Variants in STPG1 observed in about 807,000 individuals in gnomAD.
STPG1 encodes the protein O(6)-methylguanine-induced apoptosis 2.
A neutral mutation model predicts 40.1 loss-of-function variants in STPG1; 33 were observed. The observed-to-expected ratio is 0.82, with a 90% CI of 0.62 to 1.10. The LOEUF (loss-of-function observed/expected upper bound fraction) is 1.10, where lower values mean the gene tolerates loss of function less well. STPG1 is among the 50% of genes least tolerant of loss of function. STPG1 has a pLI of 0.00. For synonymous variants in STPG1, 150 were observed against 155.0 expected (o/e 0.97, Z 0.24); for missense variants, 396 against 415.1 (o/e 0.95, Z 0.40).
chr1:24,390,799 A>ATT (rs1403530927), intron 3 of STPG1, among the ~76,000 whole-genome samples: 2 of 145,666 alleles, frequency 1.4e-5, no homozygotes, highest in African/African-American at 2.5e-5. Flanking sequence ...TACAAAGGTA[A>ATT]TTTTTTTTTT....
At chr1:24,384,853 G>C (rs79967359) in intron 3 of STPG1, among the ~76,000 whole-genome samples, 4,572 of 152,266 alleles carry the variant, frequency 0.03, 128 homozygotes, top group Non-Finnish European at 0.04. Flanking sequence ...AGACACTAAG[G>C]CACGTGGAGA....
At chr1:24,404,744 G>C (rs1332797981) in intron 1 of STPG1, among the ~76,000 whole-genome samples, 1 of 152,126 alleles carries the variant, frequency 6.6e-6, no homozygotes, top group Non-Finnish European at 1.5e-5. Context: ...GTTCTGTAGT[G>C]ATGTCCCTAC....
intron 7 of STPG1, among the ~76,000 whole-genome samples, chr1:24,367,675 C>G (rs184920698): frequency 2.0e-5 from 3 of 152,118 alleles, no homozygotes; most frequent in Non-Finnish European, 4.4e-5. Context: ...CCCTCCACCA[C>G]GCCCAGCTTT....
chr1:24,391,046 T>G (rs1642750618), intron 3 of STPG1, among the ~76,000 whole-genome samples: 1 of 152,112 alleles, frequency 6.6e-6, no homozygotes, highest in Non-Finnish European at 1.5e-5. Flanking sequence ...CTGAAACTCC[T>G]GGCTCAAGCA....
rs1642199193 is a variant in STPG1 at position 24,379,786 on chromosome 1, G to A, written c.329C>T (p.Ala110Val). The A allele has an allele frequency of 3.1e-6, 5 of 1,614,126 alleles. No homozygotes were observed. The highest frequency in any genetic ancestry group is 4.2e-6 in the Non-Finnish European group (5 of 1,179,968). The change falls in exon 5 of 9, where the codon GCA becomes GTA. Residue 110 changes from alanine (A) to valine (V), a missense_variant. By Grantham distance (64) the Ala-to-Val change is moderately conservative. Transcript: ENST00000337248. ...RLDTIISKYPAANAYTIPSDF... is the reference protein window; with the variant it reads ...RLDTIISKYPVANAYTIPSDF... ...CGATGGGATAGTGTATGCATTCGCTGCAGGGTATTTAGAAATGATGGTGTC... is the reference window on the plus strand; with the variant it reads ...CGATGGGATAGTGTATGCATTCGCTACAGGGTATTTAGAAATGATGGTGTC...
chr1:24,374,881 C>A (rs937858645), intron 5 of STPG1, among the ~76,000 whole-genome samples: 5 of 152,108 alleles, frequency 3.3e-5, no homozygotes, highest in African/African-American at 1.2e-4. Flanking sequence ...CCACCTCGGC[C>A]TCCCAAAGTG....
chr1:24,373,494 G>A (rs1641849488), intron 6 of STPG1, among the ~76,000 whole-genome samples: 1 of 152,188 alleles, frequency 6.6e-6, no homozygotes, highest in African/African-American at 2.4e-5. Context: ...TGCTTTGGAG[G>A]CCCATTTCCA....
At chr1:24,367,773 C>T (rs1316218623) in intron 7 of STPG1, among the ~76,000 whole-genome samples, 1 of 152,190 alleles carries the variant, frequency 6.6e-6, no homozygotes, top group Non-Finnish European at 1.5e-5. Flanking sequence ...CTTGGGCTCC[C>T]AAAATGCTGG....
In STPG1 at chr1:24,395,534, G is replaced by A. The variant is rs1010971040; in HGVS notation, c.71-3855C>T. On this transcript the variant is annotated intron_variant, in intron 2 of 8. Coordinates refer to ENST00000337248, the MANE Select transcript of STPG1 (RefSeq NM_001199013.2). ...TGCAAGCTCTGCCTCCCGGGTTCAC[G>A]CCATTCTCCTGCCTCAGCCTCCCGA... 1.0e-4 allele frequency among the ~76,000 whole-genome samples: 15 copies of A among 148,488 alleles called. No individual in the cohort carries two copies. In the South Asian group the frequency reaches 2.6e-3, roughly 25 times the overall value.
At chr1:24,381,655 G>A (rs1046028472) in intron 4 of STPG1, among the ~76,000 whole-genome samples, 1 of 152,190 alleles carries the variant, frequency 6.6e-6, no homozygotes, top group Non-Finnish European at 1.5e-5. Flanking sequence ...TCAAAAGGTT[G>A]GGTGTAGTTG....
At chr1:24,377,375 G>A (rs753484283) in intron 5 of STPG1, among the ~76,000 whole-genome samples, 10 of 152,124 alleles carry the variant, frequency 6.6e-5, no homozygotes, top group Non-Finnish European at 1.2e-4. Flanking sequence ...TGAATTGGCC[G>A]GTGTCTGTCT....
intron 5 of STPG1, among the ~76,000 whole-genome samples, chr1:24,375,871 A>C (rs987517172): frequency 2.6e-5 from 4 of 152,230 alleles, no homozygotes; most frequent in African/African-American, 9.6e-5. Flanking sequence ...GGGCCAGGAA[A>C]ATATTCAGCA....
chr1:24,396,566 T>C (rs1426016924), intron 2 of STPG1, among the ~76,000 whole-genome samples: 1 of 152,164 alleles, frequency 6.6e-6, no homozygotes. Flanking sequence ...CCACAGACAA[T>C]ACATAAACAA....
intron 4 of STPG1, among the ~76,000 whole-genome samples, chr1:24,382,648 T>C (rs910512273): frequency 2.0e-5 from 3 of 152,220 alleles, no homozygotes; most frequent in African/African-American, 7.2e-5. Context: ...ACTGAGGCCA[T>C]GTACAAACTC....
chr1:24,384,925 G>A (rs937322564), intron 3 of STPG1, among the ~76,000 whole-genome samples: 3 of 152,188 alleles, frequency 2.0e-5, no homozygotes, highest in East Asian at 1.9e-4. Context: ...CCAAGCGCAC[G>A]GTGTGTGCTG....
At chr1:24,360,807 C>G in intron 8 of STPG1, 44 bp downstream of exon 8, 1 of 1,523,964 alleles carries the variant, frequency 6.6e-7, no homozygotes, top group South Asian at 1.3e-5. Context: ...ACAAACAGTT[C>G]CAGAAGATTT....
At chr1:24,394,053 C>A (rs1252998013) in intron 2 of STPG1, among the ~76,000 whole-genome samples, 5 of 152,188 alleles carry the variant, frequency 3.3e-5, no homozygotes, top group Non-Finnish European at 5.9e-5. Context: ...GCAACGGGGT[C>A]CCCTGAGTAA....
intron 7 of STPG1, 110 bp from the exon 8 acceptor site, chr1:24,361,151 T>A: frequency 9.5e-7 from 1 of 1,047,198 alleles, no homozygotes; most frequent in Non-Finnish European, 1.3e-6. Context: ...GGAAGAGGAC[T>A]GGTCACGGCA....
In STPG1 at chr1:24,401,391, T is replaced by G. The variant is rs769703597; in HGVS notation, c.-3A>C. ...TTTTTCTGTGCAGAGTTGTCCATGT[T>G]AGCAAAATTCTGTGACGTGTTCCAT... On this transcript the variant is annotated 5_prime_UTR_variant, in exon 2 of 9. An upstream open reading frame in the 5' UTR loses its in-frame stop. Transcript: ENST00000337248. 1.9e-6 allele frequency: 3 copies of G among 1,613,874 alleles called. No homozygotes were observed. The highest frequency in any genetic ancestry group is 2.5e-6 in the Non-Finnish European group (3 of 1,179,866).
Sources: allele counts gnomAD v4.1 joint callset (sites outside exome capture counted in the v4.1 genomes callset), GRCh38; gene constraint gnomAD v4.1.1; transcripts MANE v1.5; gene names NCBI Gene and HGNC (gene_info 2026-07-23, HGNC 2026-07-21).